Variants in CD79B observed in about 807,000 individuals in gnomAD.
CD79B encodes the protein B-cell antigen receptor complex-associated protein beta chain.
In CD79B, 7 loss-of-function variants were observed where a neutral mutation model predicts 30.0. That is an observed-to-expected ratio of 0.23 (90% CI 0.13 to 0.44). CD79B has a LOEUF of 0.44. Among genes scored for constraint, CD79B ranks in the 20% least tolerant of loss-of-function variants. CD79B has a pLI of 1.00. For missense variants in CD79B, 218 were observed against 299.1 expected (o/e 0.73, Z 2.00); for synonymous variants, 118 against 119.2 (o/e 0.99, Z 0.07).
Position 63,928,825 on chromosome 17 carries a change from G to A in CD79B, c.*401C>T. On this transcript the variant is annotated 3_prime_UTR_variant, in exon 6 of 6. Transcript: ENST00000006750. ...TGGGGTGGGAGTGGTTGCGGGAGAG[G>A]AATGATGTTCCTGTGGCTCTTCTGG... 2.6e-6 allele frequency: 1 copy of A among 381,648 alleles called. No individual in the cohort carries two copies. Among genetic ancestry groups the A allele is most frequent in the Non-Finnish European group, 4.9e-6 (1 of 203,858 alleles). The allele number at this position is 381,648 out of a possible 1,614,324, so 23.6% of individuals were successfully genotyped here. A position where few individuals can be genotyped will look rare whatever the true frequency, so the allele number is the denominator to read the frequency against.
rs1907944752 is a variant in CD79B, at chr17:63,928,973, T to C, written c.*253A>G. On this transcript the variant is annotated 3_prime_UTR_variant, in exon 6 of 6. Coordinates refer to ENST00000006750, the MANE Select transcript of CD79B (RefSeq NM_000626.4). ...CCATGTGTGGGGACGGATCACCTCA[T>C]AGCACCCCCAGAAGGCTGGGTCCCG... The C allele has an allele frequency of 3.5e-6, 2 of 563,536 alleles. No individual in the cohort carries two copies. The highest frequency in any genetic ancestry group is 3.0e-5 in the East Asian group (1 of 33,394). 34.9% of individuals were successfully genotyped at this position (563,536 alleles called of 1,614,324 possible). A position where few individuals can be genotyped will look rare whatever the true frequency, so the allele number is the denominator to read the frequency against.
At chr17:63,929,542 G>C in intron 4 of CD79B, 67 bp from the exon 5 acceptor site, 2 of 1,562,324 alleles carry the variant, frequency 1.3e-6, no homozygotes, top group South Asian at 2.2e-5. Context: ...GCTGGGCCAG[G>C]CTGGGGAGGG....
At position 63,929,162 on chromosome 17, in the gene CD79B, G is replaced by A. The variant is rs1346336180; in HGVS notation, c.*64C>T. Reference sequence around the variant, plus strand: ...AGGAAAGGGGTTGGGCCATGAGCCAGGCAGCTCCGAAGCAGTCACTGAGGC... The same window carrying A: ...AGGAAAGGGGTTGGGCCATGAGCCAAGCAGCTCCGAAGCAGTCACTGAGGC... On this transcript the variant is annotated 3_prime_UTR_variant, in exon 6 of 6. Transcript: ENST00000006750. 5 of 1,116,240 alleles carry A rather than the reference G, an allele frequency of 4.5e-6. No individual in the cohort carries two copies. The highest frequency in any genetic ancestry group is 1.5e-5 in the African/African-American group (1 of 65,382). The allele number at this position is 1,116,240 out of a possible 1,614,324, so 69.1% of individuals were successfully genotyped here.
intron 4 of CD79B, 41 bp from the exon 5 acceptor site, chr17:63,929,516 C>T: frequency 6.2e-7 from 1 of 1,611,174 alleles, no homozygotes; most frequent in Non-Finnish European, 8.5e-7. Flanking sequence ...GTTAGTGTCC[C>T]CCAGCCCCAT....
intron 3 of CD79B, 53 bp downstream of exon 3, chr17:63,930,021 G>T: frequency 6.3e-7 from 1 of 1,596,508 alleles, no homozygotes; most frequent in Non-Finnish European, 8.6e-7. Context: ...GAGGCAGGCC[G>T]GGCTAGGGTG....
rs2144756751 is a variant in CD79B, at chr17:63,929,791, A to G, written c.528T>C (p.Pro176=). 1.2e-6 allele frequency: 2 copies of G among 1,610,754 alleles called. No homozygotes were observed. Among genetic ancestry groups the G allele is most frequent in the South Asian group, 2.2e-5 (2 of 91,034 alleles). Residue 176 remains proline, a synonymous_variant, in exon 4 of 6, where the codon CCT becomes CCC. Coordinates refer to ENST00000006750, the MANE Select transcript of CD79B (RefSeq NM_000626.4). The stretch of plus-strand genomic sequence containing the variant: ...TCACCTTGTCCAGCAGCAGGAAGAT[A>G]GGCACGATGATGAAGAGGATGATCA... ...TLLIILFIIV[P]IFLLLDKDDS...
At chr17:63,929,715 C>T in intron 4 of CD79B, 55 bp downstream of exon 4, 1 of 1,284,282 alleles carries the variant, frequency 7.8e-7, no homozygotes, top group South Asian at 1.2e-5. Flanking sequence ...ATATGCCTGG[C>T]CTATGCGGTG....
At chr17:63,929,508 T>C in intron 4 of CD79B, 33 bp from the exon 5 acceptor site, 1 of 1,612,432 alleles carries the variant, frequency 6.2e-7, no homozygotes, top group Non-Finnish European at 8.5e-7. Context: ...ATCAGAGTGT[T>C]AGTGTCCCCC....
intron 1 of CD79B, 85 bp from the exon 2 acceptor site, chr17:63,931,470 C>G (rs570653389): frequency 7.6e-7 from 1 of 1,310,368 alleles, no homozygotes. Context: ...TCTATGTTCC[C>G]GGAGCTACTT....
At chr17:63,929,941 C>T (rs1172846167) in intron 3 of CD79B, 53 bp from the exon 4 acceptor site, 3 of 1,540,858 alleles carry the variant, frequency 1.9e-6, no homozygotes, top group Admixed American at 3.3e-5. Flanking sequence ...ACCTTTTAGG[C>T]CTACAAGGGC....
Position 63,932,238 on chromosome 17 carries a change from A to G in CD79B, c.24T>C (p.Pro8=), listed in dbSNP as rs755483706. The G allele has an allele frequency of 1.2e-6, 2 of 1,613,058 alleles. No individual in the cohort carries two copies. Among genetic ancestry groups the G allele is most frequent in the East Asian group, 4.5e-5 (2 of 44,874 alleles). MARLALS[P]VPSHWMVALL... ...ACGCCACCATCCAGTGGCTGGGCAC[A>G]GGAGACAACGCCAGCCTGGCCATGG... The change falls in exon 1 of 6, where the codon CCT becomes CCC. Residue 8 remains proline, a synonymous_variant. Coordinates refer to ENST00000006750, the MANE Select transcript of CD79B (RefSeq NM_000626.4).
chr17:63,932,178 C>T lies in CD79B; in HGVS notation c.67+17G>A, dbSNP rs373437028. 4 of 1,610,936 alleles carry T rather than the reference C, an allele frequency of 2.5e-6. No homozygotes were observed. The highest frequency in any genetic ancestry group is 3.3e-5 in the Admixed American group (2 of 60,004). The stretch of plus-strand genomic sequence containing the variant: ...AGATGAGAGCAAACCCCACAGGCCT[C>T]GTCGTGGGTTCTGTACCTGAGAGCA... On this transcript the variant is annotated intron_variant, in intron 1 of 5. Transcript: ENST00000006750.
Position 63,930,331 on chromosome 17 carries a change from C to T in CD79B, c.173G>A (p.Gly58Asp). ...GTAGCAGTGCATTTTCACCGTGAAG[C>T]CCCGTTTCCTGGCTATGAAACGTGG... ...QSPRFIARKR[G>D]FTVKMHCYMN... Residue 58 changes from glycine to aspartate, a missense_variant, in exon 3 of 6, where the codon GGC becomes GAC. Physicochemically the swap from Gly to Asp is moderately conservative, Grantham distance 94. Transcript: ENST00000006750. The T allele has an allele frequency of 6.2e-7, 1 of 1,614,158 alleles. No individual in the cohort carries two copies. The highest frequency in any genetic ancestry group is 8.5e-7 in the Non-Finnish European group (1 of 1,180,034).
rs1908117245 is a variant in CD79B, at chr17:63,931,373, G to C, written c.80C>G (p.Pro27Arg). 2 of 1,614,092 alleles carry C rather than the reference G, an allele frequency of 1.2e-6. No homozygotes were observed. Among genetic ancestry groups the C allele is most frequent in the African/African-American group, 2.7e-5 (2 of 75,074 alleles). ...LLLLLSAEPV[P>R]AARSEDRYRN... ...GTACCGGTCCTCCGATCTGGCTGCT[G>C]GTACTGGCTCAGCTGCTGGGTGGGA... The change falls in exon 2 of 6, where the codon CCA becomes CGA. Residue 27 changes from proline to arginine, a missense_variant. Coordinates refer to ENST00000006750, the MANE Select transcript of CD79B (RefSeq NM_000626.4).
rs759004765 is a variant in CD79B at position 63,929,898 on chromosome 17, CAG to C, written c.431-12_431-11del. The stretch of plus-strand genomic sequence containing the variant: ...GCCAAGGTGCTGAATCCTGCGGGGA[CAG>C]GGGTGGGGTTGTGAGCCTGGGCCAC... On this transcript the variant is annotated splice_polypyrimidine_tract_variant and intron_variant, in intron 3 of 5. Coordinates refer to ENST00000006750, the MANE Select transcript of CD79B (RefSeq NM_000626.4). 1 of 1,604,282 alleles carries C rather than the reference CAG, an allele frequency of 6.2e-7. No homozygotes were observed. The highest frequency in any genetic ancestry group is 8.5e-7 in the Non-Finnish European group (1 of 1,171,264).
Position 63,929,144 on chromosome 17 carries a change from G to A in CD79B, c.*82C>T. 1.1e-6 allele frequency: 1 copy of A among 943,902 alleles called. No homozygotes were observed. The highest frequency in any genetic ancestry group is 1.7e-6 in the Non-Finnish European group (1 of 574,946). 58.5% of individuals were successfully genotyped at this position (943,902 alleles called of 1,614,324 possible). ...AGGCCAGCTGGGGGGTCCAGGAAAG[G>A]GGTTGGGCCATGAGCCAGGCAGCTC... On this transcript the variant is annotated 3_prime_UTR_variant, in exon 6 of 6. Coordinates refer to ENST00000006750, the MANE Select transcript of CD79B (RefSeq NM_000626.4).
intron 2 of CD79B, 107 bp downstream of exon 2, chr17:63,931,228 C>G (rs1376489191): frequency 5.5e-6 from 6 of 1,096,586 alleles, no homozygotes; most frequent in African/African-American, 1.5e-5. Flanking sequence ...ATGGGGAGAT[C>G]AGGCAAGGGT....
At chr17:63,929,597 G>A (rs1907988892) in intron 4 of CD79B, 122 bp from the exon 5 acceptor site, 2 of 1,100,448 alleles carry the variant, frequency 1.8e-6, no homozygotes, top group African/African-American at 3.1e-5. Flanking sequence ...CATTCTGCAA[G>A]AACAGCTGAA....
chr17:63,930,496 C>T (rs1478240349), intron 2 of CD79B, 111 bp from the exon 3 acceptor site: 32 of 993,230 alleles, frequency 3.2e-5, no homozygotes, highest in Non-Finnish European at 4.6e-5. Flanking sequence ...TTAGTCCTTG[C>T]TTCTCAGGGT....
Sources: gnomAD v4.1 joint callset for allele counts on GRCh38, gnomAD v4.1.1 for gene constraint, MANE v1.5 for transcripts, NCBI Gene and HGNC (gene_info 2026-07-23, HGNC 2026-07-21) for gene names.